Variants in TRIM26 observed in about 807,000 individuals in gnomAD.
TRIM26 encodes the protein tripartite motif containing 26.
Under a neutral mutation model 45.5 loss-of-function variants are expected in TRIM26, and 16 were observed. The observed-to-expected ratio is 0.35, with a 90% CI of 0.24 to 0.53. The LOEUF is 0.53. Ranked by LOEUF, TRIM26 falls within the 20% of genes least tolerant of loss-of-function variation. TRIM26 has a pLI of 0.92. For missense variants in TRIM26, 442 were observed against 691.1 expected, an observed-to-expected ratio of 0.64 and a Z score of 4.04; for synonymous variants, 273 against 290.4, an observed-to-expected ratio of 0.94 and a Z score of 0.61.
In TRIM26 at chr6:30,186,806, G is replaced by A. The variant is rs772871375; in HGVS notation, c.938-248C>T. The A allele has an allele frequency of 4.0e-5, 44 of 1,096,222 alleles. No individual in the cohort carries two copies. The highest frequency in any genetic ancestry group is 1.4e-4 in the East Asian group (6 of 41,662). The allele number at this position is 1,096,222 out of a possible 1,614,324, so 67.9% of individuals were successfully genotyped here. On this transcript the variant is annotated intron_variant, in intron 9 of 9. Transcript: ENST00000454678. This position sits in a 1 kb window ranked among gnomAD's most constrained non-coding sequence, Gnocchi z 7.4. ...ACTGAAATTTAACTTGACTGTTTTC[G>A]CTTACGCTCTGATTCCAAACAAAAC...
Position 30,198,463 on chromosome 6 carries a change from T to C in TRIM26, c.500A>G (p.Gln167Arg), listed in dbSNP as rs941419237. The C allele has an allele frequency of 6.2e-7, 1 of 1,613,100 alleles. No individual in the cohort carries two copies. Residue 167 changes from glutamine (Q) to arginine (R), a missense_variant, in exon 5 of 10, where the codon CAG (glutamine) becomes CGG (arginine). Coordinates refer to ENST00000454678, the MANE Select transcript of TRIM26 (RefSeq NM_003449.5). The surrounding 1 kb of genome is among the most constrained non-coding windows in gnomAD (Gnocchi z 6.3). ...CAGGATATCAGCTTCTCCCTTTGCC[T>C]GGAAGCCCTGAATTTTGTCTCTGTC... ...RRDRDKIQGF[Q>R]AKGEADILAA... is the part of the protein sequence containing the mutation.
In TRIM26 at chr6:30,185,940, G is replaced by C; in HGVS notation, c.1556C>G (p.Thr519Ser). The change falls in exon 10 of 10, where the codon ACC (threonine) becomes AGC (serine). Residue 519 changes from threonine to serine, a missense_variant. Thr to Ser is a moderately conservative substitution (Grantham distance 58, BLOSUM62 1). Coordinates refer to ENST00000454678, the MANE Select transcript of TRIM26 (RefSeq NM_003449.5). This position sits in a 1 kb window ranked among gnomAD's most constrained non-coding sequence, Gnocchi z 5.7. ...ELIYTFTATF[T>S]RRLVPFLWLK... is the part of the protein sequence containing the mutation. ...CCACAGGAAGGGGACCAGGCGCCGG[G>C]TGAAGGTGGCAGTGAAGGTGTAGAT... 2 of 1,613,076 alleles carry C rather than the reference G, an allele frequency of 1.2e-6. No homozygotes were observed. The highest frequency in any genetic ancestry group is 2.2e-5 in the South Asian group (2 of 91,086).
In TRIM26 at chr6:30,189,272, C is replaced by A; in HGVS notation, c.905-73G>T. 1 of 1,604,654 alleles carries A rather than the reference C, an allele frequency of 6.2e-7. No individual in the cohort carries two copies. The highest frequency in any genetic ancestry group is 8.5e-7 in the Non-Finnish European group (1 of 1,172,482). ...AGCCCATTTCTTGCTCGGGCAGTAT[C>A]AATTTCCTGATAGGGATCCATGTCT... is the stretch of plus-strand genomic sequence containing the variant. On this transcript the variant is annotated intron_variant, in intron 8 of 9. Coordinates refer to ENST00000454678, the MANE Select transcript of TRIM26 (RefSeq NM_003449.5). The surrounding 1 kb of genome is among the most constrained non-coding windows in gnomAD (Gnocchi z 5.0).
Position 30,189,874 on chromosome 6 carries a change from G to A in TRIM26, c.788+139C>T. The A allele has an allele frequency of 2.0e-6, 2 of 1,001,080 alleles. No homozygotes were observed. Among genetic ancestry groups the A allele is most frequent in the Non-Finnish European group, 3.1e-6 (2 of 648,136 alleles). The allele number at this position is 1,001,080 out of a possible 1,614,324, so 62.0% of individuals were successfully genotyped here. A position where few individuals can be genotyped will look rare whatever the true frequency, so the allele number is the denominator to read the frequency against. On this transcript the variant is annotated intron_variant, in intron 7 of 9. Transcript: ENST00000454678. The surrounding 1 kb of genome is among the most constrained non-coding windows in gnomAD (Gnocchi z 5.0). Reference sequence around the variant, plus strand: ...TCTCAATGATGTGTCCTGCTCCTCAGAAGGGCATCAGGATGAACCATGGGA... The same window carrying A: ...TCTCAATGATGTGTCCTGCTCCTCAAAAGGGCATCAGGATGAACCATGGGA...
At chr6:30,200,233 G>T (rs1332375112) in intron 3 of TRIM26, among the ~76,000 whole-genome samples, 2 of 152,178 alleles carry the variant, frequency 1.3e-5, no homozygotes, top group Non-Finnish European at 2.9e-5. Flanking sequence ...AGTGAGCCAT[G>T]ATTGTACTAC....
chr6:30,190,909 T>C lies in TRIM26; in HGVS notation c.766-874A>G, dbSNP rs1775761106. On this transcript the variant is annotated intron_variant, in intron 6 of 9. Coordinates refer to ENST00000454678, the MANE Select transcript of TRIM26 (RefSeq NM_003449.5). This position sits in a 1 kb window ranked among gnomAD's most constrained non-coding sequence, Gnocchi z 4.3. ...ACTGTTAACTGAGGCAGAAATAAAC[T>C]TCTATTCTGTTTGCGTCACTGTACA... Among the ~76,000 whole-genome samples the C allele has an allele frequency of 6.6e-6, 1 of 152,092 alleles. No individual in the cohort carries two copies. Among genetic ancestry groups the C allele is most frequent in the African/African-American group, 2.4e-5 (1 of 41,408 alleles).
Position 30,185,700 on chromosome 6 carries a change from G to T in TRIM26, c.*176C>A. ...GAGCCCCATTAGGGCAGTAGATGGA[G>T]CAACAGCACTGAGTGAGATTTCAGG... is the stretch of plus-strand genomic sequence containing the variant. On this transcript the variant is annotated 3_prime_UTR_variant, in exon 10 of 10. Coordinates refer to ENST00000454678, the MANE Select transcript of TRIM26 (RefSeq NM_003449.5). This position sits in a 1 kb window ranked among gnomAD's most constrained non-coding sequence, Gnocchi z 5.7. The T allele has an allele frequency of 1.4e-6, 1 of 709,042 alleles. No individual in the cohort carries two copies. 43.9% of individuals were successfully genotyped at this position (709,042 alleles called of 1,614,324 possible).
chr6:30,186,698 T>G lies in TRIM26; in HGVS notation c.938-140A>C. ...ACATTAGTAATATAACTCAACATCC[T>G]TAATTTGGTATAAGTGTGACACATT... is the stretch of plus-strand genomic sequence containing the variant. On this transcript the variant is annotated intron_variant, in intron 9 of 9. Transcript: ENST00000454678. This position sits in a 1 kb window ranked among gnomAD's most constrained non-coding sequence, Gnocchi z 7.4. 8.6e-7 allele frequency: 1 copy of G among 1,164,180 alleles called. No homozygotes were observed. Among genetic ancestry groups the G allele is most frequent in the Non-Finnish European group, 1.2e-6 (1 of 852,984 alleles). 72.1% of individuals were successfully genotyped at this position (1,164,180 alleles called of 1,614,324 possible).
chr6:30,186,220 C>G lies in TRIM26; in HGVS notation c.1276G>C (p.Glu426Gln), dbSNP rs1447809020. ...AGAACTTCCTCCTCTTCCTCCTCCT[C>G]TTCTTCCTCTTCATCGCCCAACGAT... is the stretch of plus-strand genomic sequence containing the variant. ...EESLGDEEEEEEEEEEEVLES... is the reference protein window; with the variant it reads ...EESLGDEEEEQEEEEEEVLES... Residue 426 changes from glutamate to glutamine, a missense_variant, in exon 10 of 10, where the codon GAG becomes CAG. By Grantham distance (29) the Glu-to-Gln change is conservative. Coordinates refer to ENST00000454678, the MANE Select transcript of TRIM26 (RefSeq NM_003449.5). This position sits in a 1 kb window ranked among gnomAD's most constrained non-coding sequence, Gnocchi z 7.4. The G allele has an allele frequency of 4.4e-6, 7 of 1,597,134 alleles. No individual in the cohort carries two copies. The highest frequency in any genetic ancestry group is 6.0e-6 in the Non-Finnish European group (7 of 1,171,640).
At chr6:30,187,857 G>A (rs1454594785) in intron 9 of TRIM26, among the ~76,000 whole-genome samples, 7 of 138,760 alleles carry the variant, frequency 5.0e-5, no homozygotes, top group African/African-American at 8.1e-5. Flanking sequence ...GGCGGGGCTC[G>A]CAGTGAGCTG....
At chr6:30,202,772 T>C (rs1013384723) in intron 2 of TRIM26, among the ~76,000 whole-genome samples, 8 of 152,034 alleles carry the variant, frequency 5.3e-5, no homozygotes, top group African/African-American at 1.9e-4. Flanking sequence ...AACCACACCA[T>C]AAGGAAAGAA....
chr6:30,208,515 C>CTTTTTTTTTTT (rs35809533), intron 1 of TRIM26, among the ~76,000 whole-genome samples: 1 of 128,224 alleles, frequency 7.8e-6, no homozygotes, highest in Non-Finnish European at 1.6e-5. Context: ...AATTTTTTTC[C>CTTTTTTTTTTT]TTTTTTTTTT....
chr6:30,208,395 G>C (rs1777928061), intron 1 of TRIM26, among the ~76,000 whole-genome samples: 1 of 152,064 alleles, frequency 6.6e-6, no homozygotes, highest in African/African-American at 2.4e-5. Context: ...TTGTTGTGGA[G>C]TAAATTGTAA....
Sources: gnomAD v4.1 joint callset for allele counts (sites outside exome capture counted in the v4.1 genomes callset) on GRCh38, gnomAD v4.1.1 for gene constraint, Gnocchi (gnomAD v3.1) non-coding constraint, MANE v1.5 for transcripts, NCBI Gene and HGNC (gene_info 2026-07-23, HGNC 2026-07-21) for gene names.